Variants in INO80D observed in about 807,000 individuals in gnomAD.
INO80D encodes INO80 complex subunit D.
Under a neutral mutation model 87.6 loss-of-function variants are expected in INO80D, and 21 were observed. The observed-to-expected ratio is 0.24, with a 90% CI of 0.17 to 0.35. INO80D has a LOEUF of 0.35. Ranked by LOEUF, INO80D falls within the 10% of genes least tolerant of loss-of-function variation. The pLI, the probability that INO80D is intolerant of heterozygous loss-of-function variation, is 1.00. For synonymous variants in INO80D, 440 were observed against 491.0 expected, an observed-to-expected ratio of 0.90 and a Z score of 1.37; for missense variants, 982 against 1,280.7, an observed-to-expected ratio of 0.77 and a Z score of 3.56.
chr2:206,079,394 T>A (rs1402829100), intron 1 of INO80D, among the ~76,000 whole-genome samples: 2 of 152,156 alleles, frequency 1.3e-5, no homozygotes, highest in African/African-American at 4.8e-5. Flanking sequence ...TCAAACCAAA[T>A]GTATACAACT....
intron 8 of INO80D, among the ~76,000 whole-genome samples, chr2:206,011,367 C>T (rs1428230651): frequency 2.0e-5 from 3 of 152,196 alleles, no homozygotes; most frequent in Admixed American, 6.5e-5. Flanking sequence ...AGCTTGTGTG[C>T]AGTGGCCTTG....
At chr2:206,057,080 A>G (rs753975905) in intron 3 of INO80D, 137 bp from the exon 4 acceptor site, 28 of 786,584 alleles carry the variant, frequency 3.6e-5, no homozygotes, top group Non-Finnish European at 4.9e-5. Context: ...CTTAACATGC[A>G]AACCTCTACT....
At chr2:206,051,701 A>G (rs139835117) in intron 4 of INO80D, among the ~76,000 whole-genome samples, 2 of 152,088 alleles carry the variant, frequency 1.3e-5, no homozygotes, top group East Asian at 3.9e-4. Context: ...GAATCTCACT[A>G]TGTTTCCCAG....
At chr2:206,052,290 T>A (rs1198467644) in intron 4 of INO80D, among the ~76,000 whole-genome samples, 1 of 152,102 alleles carries the variant, frequency 6.6e-6, no homozygotes, top group Non-Finnish European at 1.5e-5. Flanking sequence ...CGGGTCCCAG[T>A]TCAAGCAATT....
Position 205,995,965 on chromosome 2 carries a change from A to C in INO80D, c.*8403T>G, listed in dbSNP as rs1235258545. ...ATGATTAAACTACAAAGCAAATAAA[A>C]ATATGTAAATGACAAATTAATGACA... On this transcript the variant is annotated 3_prime_UTR_variant, in exon 11 of 11. Coordinates refer to ENST00000403263, the MANE Select transcript of INO80D (RefSeq NM_017759.5). 2 of 152,182 alleles carry C rather than the reference A, an allele frequency of 1.3e-5. No homozygotes were observed. Among genetic ancestry groups the C allele is most frequent in the Admixed American group, 6.5e-5 (1 of 15,272 alleles). The allele number at this position is 152,182 out of a possible 1,614,324, so 9.4% of individuals were successfully genotyped here.
intron 6 of INO80D, among the ~76,000 whole-genome samples, chr2:206,023,901 T>C (rs550189563): frequency 6.6e-6 from 1 of 152,216 alleles, no homozygotes; most frequent in African/African-American, 2.4e-5. Flanking sequence ...CTGATGTCAG[T>C]TAGGAAGATG....
At chr2:206,044,962 TAAGGA>T (rs1239573869) in intron 5 of INO80D, among the ~76,000 whole-genome samples, 1 of 152,172 alleles carries the variant, frequency 6.6e-6, no homozygotes, top group East Asian at 1.9e-4. Context: ...AATGGTAAGG[TAAGGA>T]AACAGTCTTG....
At chr2:206,065,791 C>T (rs1177401978) in intron 1 of INO80D, among the ~76,000 whole-genome samples, 1 of 152,164 alleles carries the variant, frequency 6.6e-6, no homozygotes, top group South Asian at 2.1e-4. Flanking sequence ...GGAAAAAATG[C>T]TGAACATCAC....
rs1221881246 is a variant in INO80D at position 206,056,462 on chromosome 2, G to T, written c.700C>A (p.Gln234Lys). 1.2e-6 allele frequency: 2 copies of T among 1,613,854 alleles called. No homozygotes were observed. The highest frequency in any genetic ancestry group is 1.7e-6 in the Non-Finnish European group (2 of 1,179,892). ...ATTGGTAGGCTGGTGTTCTGAGGTT[G>T]AGGTGACTTGCAGACTGAACCCTGC... ...PPQGSVCKSPQPQNTSLPMQG... is the reference protein window; with the variant it reads ...PPQGSVCKSPKPQNTSLPMQG... Residue 234 changes from glutamine to lysine, a missense_variant, in exon 4 of 11, where the codon CAA (glutamine) becomes AAA (lysine). Gln to Lys is a moderately conservative substitution (Grantham distance 53). Coordinates refer to ENST00000403263, the MANE Select transcript of INO80D (RefSeq NM_017759.5).
At chr2:206,075,203 C>G (rs985351804) in intron 1 of INO80D, among the ~76,000 whole-genome samples, 5 of 152,080 alleles carry the variant, frequency 3.3e-5, no homozygotes. Context: ...AGCCAGCAGC[C>G]CTTTCAGTCT....
chr2:206,013,917 G>C (rs973241823), intron 8 of INO80D, among the ~76,000 whole-genome samples: 2 of 151,120 alleles, frequency 1.3e-5, no homozygotes, highest in Non-Finnish European at 2.9e-5. Flanking sequence ...CCAGCACTTT[G>C]GGAGACCAAG....
At chr2:206,020,813 T>A (rs930955442) in intron 6 of INO80D, among the ~76,000 whole-genome samples, 1 of 152,036 alleles carries the variant, frequency 6.6e-6, no homozygotes, top group African/African-American at 2.4e-5. Context: ...TGCAGATCCT[T>A]CCAGTTTCTT....
chr2:206,014,468 T>G (rs1279894411), intron 8 of INO80D, among the ~76,000 whole-genome samples: 1 of 152,044 alleles, frequency 6.6e-6, no homozygotes, highest in South Asian at 2.1e-4. Flanking sequence ...GTTCTCGTAA[T>G]AGTGAATGGG....
chr2:206,004,520 C>T lies in INO80D; in HGVS notation c.2932G>A (p.Ala978Thr), dbSNP rs1487083352. 6.2e-7 allele frequency: 1 copy of T among 1,610,338 alleles called. No homozygotes were observed. Among genetic ancestry groups the T allele is most frequent in the Non-Finnish European group, 8.5e-7 (1 of 1,178,412 alleles). ...PKQQLPQFSA[A>T]FGHQLSSHSG... is the part of the protein sequence containing the mutation. ...TGAGAACTCAGCTGGTGGCCAAAGGCTGCGCTGAACTGAGGGAGTTGCTGC... is the reference window on the plus strand; with the variant it reads ...TGAGAACTCAGCTGGTGGCCAAAGGTTGCGCTGAACTGAGGGAGTTGCTGC... Residue 978 changes from alanine (A) to threonine (T), a missense_variant, in exon 11 of 11, where the codon GCC becomes ACC. Transcript: ENST00000403263. The surrounding 1 kb of genome is among the most constrained non-coding windows in gnomAD (Gnocchi z 4.9).
At chr2:206,042,240 GAA>G (rs1689069699) in intron 5 of INO80D, among the ~76,000 whole-genome samples, 1 of 151,936 alleles carries the variant, frequency 6.6e-6, no homozygotes, top group African/African-American at 2.4e-5. Context: ...GTCAATATTA[GAA>G]AACAATAAAG....
intron 5 of INO80D, among the ~76,000 whole-genome samples, chr2:206,043,469 C>CG (rs1255431330): frequency 1.3e-5 from 2 of 150,034 alleles, no homozygotes; most frequent in East Asian, 2.0e-4. Context: ...CGTGCTCAGC[C>CG]AGGTAGGGCC....
At chr2:206,061,320 A>G (rs1172303388) in intron 3 of INO80D, among the ~76,000 whole-genome samples, 1 of 152,190 alleles carries the variant, frequency 6.6e-6, no homozygotes. Context: ...CCTTGCTGCT[A>G]TTAAGATAAT....
rs1339434477 is a variant in INO80D at position 205,993,867 on chromosome 2, T to C, written c.*10501A>G. The C allele has an allele frequency of 2.6e-5, 4 of 152,346 alleles. No individual in the cohort carries two copies. The East Asian group carries it at 7.7e-4, about 29-fold the overall frequency. The allele number at this position is 152,346 out of a possible 1,614,324, so 9.4% of individuals were successfully genotyped here. A position where few individuals can be genotyped will look rare whatever the true frequency, so the allele number is the denominator to read the frequency against. The stretch of plus-strand genomic sequence containing the variant: ...AAAATATACATAAAAATGTAAACTT[T>C]TGTATACAAAAACCCTTAAACAAAT... On this transcript the variant is annotated 3_prime_UTR_variant, in exon 11 of 11. Coordinates refer to ENST00000403263, the MANE Select transcript of INO80D (RefSeq NM_017759.5).
At chr2:206,080,117 ACTC>A (rs1252100131) in intron 1 of INO80D, among the ~76,000 whole-genome samples, 3 of 152,144 alleles carry the variant, frequency 2.0e-5, no homozygotes, top group South Asian at 4.1e-4. Flanking sequence ...TAGACTAAAA[ACTC>A]CTCAAGGGCA....
Sources: gnomAD v4.1 joint callset for allele counts (sites outside exome capture counted in the v4.1 genomes callset) on GRCh38, gnomAD v4.1.1 for gene constraint, Gnocchi (gnomAD v3.1) non-coding constraint, MANE v1.5 for transcripts, NCBI Gene and HGNC (gene_info 2026-07-23, HGNC 2026-07-21) for gene names.